CHL1: variants seen among roughly 807,000 people sequenced by gnomAD.
CHL1 encodes the protein neural cell adhesion molecule L1-like protein.
CHL1 carries 96 observed loss-of-function variants against 141.9 expected under a neutral mutation model. The ratio of observed to expected loss-of-function variants is 0.68; its 90% CI spans 0.57 to 0.80. The LOEUF (loss-of-function observed/expected upper bound fraction) is 0.80, where lower values mean the gene tolerates loss of function less well. Ranked by LOEUF, CHL1 falls within the 30% of genes least tolerant of loss-of-function variation. The probability of loss-of-function intolerance (pLI) is 0.00; values close to 1 mark genes in which losing one functional copy is unlikely to be tolerated. For missense variants in CHL1, 1,820 were observed against 1,457.2 expected (o/e 1.25, Z -4.05); for synonymous variants, 613 against 502.2 (o/e 1.22, Z -2.95).
At chr3:297,651 C>T (rs189205321) in intron 2 of CHL1, among the ~76,000 whole-genome samples, 152 of 152,286 alleles carry the variant, frequency 1.0e-3, no homozygotes, top group African/African-American at 3.6e-3. Context: ...GGTTGTATTA[C>T]GGAAGTACTT....
intron 4 of CHL1, 81 bp downstream of exon 4, chr3:326,145 T>A: frequency 1.3e-6 from 1 of 774,358 alleles, no homozygotes; most frequent in Non-Finnish European, 2.1e-6. Context: ...ATCACAAGCC[T>A]GTTGGACTAT....
At chr3:336,339 G>T (rs992399569) in intron 5 of CHL1, among the ~76,000 whole-genome samples, 1 of 152,106 alleles carries the variant, frequency 6.6e-6, no homozygotes, top group Non-Finnish European at 1.5e-5. Context: ...GCATAACATG[G>T]TAGCGGTTAA....
Position 377,898 on chromosome 3 carries a change from C to G in CHL1, c.1832C>G (p.Thr611Ser). The G allele has an allele frequency of 6.2e-7, 1 of 1,612,968 alleles. No individual in the cohort carries two copies. Among genetic ancestry groups the G allele is most frequent in the East Asian group, 2.2e-5 (1 of 44,846 alleles). ...GGTATTTACTGCTGTTCAGCTCATA[C>G]TGCTCTAGACAGTGCTGCCGATATA... ...DQGIYCCSAH[T>S]ALDSAADITQ... The change falls in exon 16 of 28, where the codon ACT becomes AGT. Residue 611 changes from threonine to serine, a missense_variant. Transcript: ENST00000256509.
intron 2 of CHL1, among the ~76,000 whole-genome samples, chr3:292,636 T>G (rs555497691): frequency 6.6e-6 from 1 of 152,180 alleles, no homozygotes; most frequent in Admixed American, 6.5e-5. Flanking sequence ...TAGTAATTTA[T>G]AAAGAAAAGA....
intron 1 of CHL1, among the ~76,000 whole-genome samples, chr3:229,211 T>G (rs1701652452): frequency 6.6e-6 from 1 of 152,232 alleles, no homozygotes; most frequent in Admixed American, 6.5e-5. Context: ...GCATGTTTTA[T>G]GCCCAATATG....
chr3:344,055 T>G lies in CHL1; in HGVS notation c.728-534T>G, dbSNP rs1702561844. ...ATGCTTACTAGTCATTTCCTAAAACTGTGTTTTTCTTTAAGGAGCTGAGAC... is the reference window on the plus strand; with the variant it reads ...ATGCTTACTAGTCATTTCCTAAAACGGTGTTTTTCTTTAAGGAGCTGAGAC... On this transcript the variant is annotated intron_variant, in intron 8 of 27. Transcript: ENST00000256509. Among the ~76,000 whole-genome samples, 7 of 152,278 alleles carry G rather than the reference T, an allele frequency of 4.6e-5. No homozygotes were observed. In the South Asian group the frequency reaches 1.5e-3, roughly 32 times the overall value.
chr3:378,788 G>A (rs1446866663), intron 16 of CHL1, among the ~76,000 whole-genome samples: 3 of 152,120 alleles, frequency 2.0e-5, no homozygotes, highest in African/African-American at 7.2e-5. Flanking sequence ...CATTCCTTCT[G>A]ATGAGGCTCT....
At chr3:300,348 T>C (rs1342163361) in intron 2 of CHL1, among the ~76,000 whole-genome samples, 1 of 152,052 alleles carries the variant, frequency 6.6e-6, no homozygotes, top group Non-Finnish European at 1.5e-5. Flanking sequence ...GGGTAGCTTA[T>C]AGGCAGGCAG....
intron 1 of CHL1, among the ~76,000 whole-genome samples, chr3:212,916 T>C (rs1700017896): frequency 2.0e-5 from 3 of 152,224 alleles, no homozygotes; most frequent in African/African-American, 7.2e-5. Context: ...AAATTCTAAT[T>C]CACTTAAGAT....
At chr3:229,822 C>A (rs1701699080) in intron 1 of CHL1, among the ~76,000 whole-genome samples, 1 of 152,026 alleles carries the variant, frequency 6.6e-6, no homozygotes, top group African/African-American at 2.4e-5. Flanking sequence ...TTCTTTTTGC[C>A]TTGAACTTGA....
intron 17 of CHL1, 55 bp downstream of exon 17, chr3:382,335 C>A: frequency 2.0e-6 from 3 of 1,523,008 alleles, no homozygotes; most frequent in African/African-American, 1.4e-5. Context: ...AAATTAATAG[C>A]GAAGTCACTT....
chr3:310,653 G>A (rs1010343571), intron 2 of CHL1, among the ~76,000 whole-genome samples: 1 of 152,070 alleles, frequency 6.6e-6, no homozygotes, highest in Non-Finnish European at 1.5e-5. Context: ...TCATACTACC[G>A]GTTCTGCATA....
chr3:257,379 A>C (rs1429686928), intron 2 of CHL1, among the ~76,000 whole-genome samples: 2 of 141,004 alleles, frequency 1.4e-5, no homozygotes, highest in Non-Finnish European at 3.0e-5. Flanking sequence ...TGTGAGACAG[A>C]GTCTCTCTCT....
chr3:324,605 CTTTA>C (rs60745240), intron 3 of CHL1, among the ~76,000 whole-genome samples: 65,857 of 145,854 alleles, frequency 0.45, 17,125 homozygotes, highest in East Asian at 0.64. Context: ...TCACTTCCTA[CTTTA>C]TTTATTTATT....
intron 17 of CHL1, 59 bp from the exon 18 acceptor site, chr3:382,415 T>C (rs2125396324): frequency 1.1e-5 from 17 of 1,491,898 alleles, no homozygotes; most frequent in East Asian, 2.3e-5. Context: ...GTATAAATTT[T>C]GGTATAACTT....
chr3:246,339 T>C (rs188630845), intron 2 of CHL1, among the ~76,000 whole-genome samples: 145 of 152,224 alleles, frequency 9.5e-4, no homozygotes, highest in African/African-American at 3.3e-3. Flanking sequence ...TAGCCCTGCA[T>C]TCTTTCCTGT....
At chr3:339,702 C>A (rs895656166) in intron 5 of CHL1, among the ~76,000 whole-genome samples, 27 of 152,300 alleles carry the variant, frequency 1.8e-4, no homozygotes, top group African/African-American at 6.3e-4. Flanking sequence ...ATTCCCTCAA[C>A]CTCTAAAGGC....
intron 2 of CHL1, among the ~76,000 whole-genome samples, chr3:303,630 G>T (rs2124922727): frequency 6.6e-6 from 1 of 152,284 alleles, no homozygotes; most frequent in Middle Eastern, 3.4e-3. Flanking sequence ...AGGAGATTTT[G>T]GGCTGAGAAG....
chr3:260,244 A>T (rs1308766055), intron 2 of CHL1, among the ~76,000 whole-genome samples: 1 of 149,114 alleles, frequency 6.7e-6, no homozygotes, highest in Non-Finnish European at 1.5e-5. Flanking sequence ...AGACTGGGTG[A>T]CAGAGTGAAA....
Sources: allele counts gnomAD v4.1 joint callset (sites outside exome capture counted in the v4.1 genomes callset), GRCh38; gene constraint gnomAD v4.1.1; transcripts MANE v1.5; gene names NCBI Gene and HGNC (gene_info 2026-07-23, HGNC 2026-07-21).